FLCN: variants seen among roughly 807,000 people sequenced by gnomAD.
The protein encoded by FLCN is folliculin.
A neutral mutation model predicts 62.5 loss-of-function variants in FLCN; 22 were observed. The observed-to-expected ratio is 0.35, with a 90% confidence interval of 0.25 to 0.50. FLCN has a LOEUF of 0.50. FLCN is among the 20% of genes least tolerant of loss of function. FLCN has a pLI of 0.97. For missense variants in FLCN, 657 were observed against 778.0 expected (o/e 0.84, Z 1.85); for synonymous variants, 319 against 310.0 (o/e 1.03, Z -0.30).
rs1460704611 is a variant in FLCN at position 17,219,034 on chromosome 17, G to A, written c.1047C>T (p.Leu349=). 2 of 1,613,650 alleles carry A rather than the reference G, an allele frequency of 1.2e-6. No individual in the cohort carries two copies. The highest frequency in any genetic ancestry group is 1.7e-5 in the Admixed American group (1 of 60,004). ...TGCCGCCTACCTGCCTCATGTGCCGGAGGGACTTGAAGACTGGCAGCTTCC... is the reference window on the plus strand; with the variant it reads ...TGCCGCCTACCTGCCTCATGTGCCGAAGGGACTTGAAGACTGGCAGCTTCC... ...QPRKLPVFKS[L]RHMRQVLGAP... The change falls in exon 9 of 14, where the codon CTC becomes CTT. Residue 349 remains leucine (L), a synonymous_variant. Transcript: ENST00000285071.
chr17:17,235,604 T>C (rs1376843847), intron 1 of FLCN: 7 of 152,260 alleles, frequency 4.6e-5, no homozygotes, highest in African/African-American at 1.7e-4. Context: ...CACCGGAGCC[T>C]GCCCTCACCA....
upstream of FLCN, chr17:17,237,188 C>T (rs1160637658): frequency 6.6e-6 from 1 of 152,264 alleles, no homozygotes; most frequent in Non-Finnish European, 1.5e-5. Flanking sequence ...GCGCGTGACT[C>T]CCTGAGCCGT....
intron 4 of FLCN, 126 bp from the exon 5 acceptor site, chr17:17,226,448 T>C: frequency 9.0e-7 from 1 of 1,111,578 alleles, no homozygotes; most frequent in Non-Finnish European, 1.3e-6. Context: ...GGCTTCCAGA[T>C]TTATACTTAT....
At position 17,221,579 on chromosome 17, in the gene FLCN, C is replaced by G. The variant is rs2144932624; in HGVS notation, c.829G>C (p.Ala277Pro). The change falls in exon 8 of 14, where the codon GCT becomes CCT. Residue 277 changes from alanine (A) to proline (P), a missense_variant. Ala to Pro is a conservative substitution (Grantham distance 27, BLOSUM62 -1). Transcript: ENST00000285071. ...TGGACCAAGGTATCCTCGGTCGGAG[C>G]ACCTTCCAGGAGCTTCTCGGTCAGC... ...SRLTEKLLEG[A>P]PTEDTLVQME... 6.2e-7 allele frequency: 1 copy of G among 1,611,628 alleles called. No homozygotes were observed. Among genetic ancestry groups the G allele is most frequent in the Non-Finnish European group, 8.5e-7 (1 of 1,180,010 alleles).
rs533570796 is a variant in FLCN, at chr17:17,226,091, G to T, written c.396+85C>A. 3 of 1,580,214 alleles carry T rather than the reference G, an allele frequency of 1.9e-6. No homozygotes were observed. The South Asian group carries it at 3.4e-5, about 18-fold the overall frequency. On this transcript the variant is annotated intron_variant, in intron 5 of 13. Transcript: ENST00000285071. ...AGAGAGGACCAGTGCCTGCCTCCCT[G>T]TGCAATGCTGGCTCCGAGCCCACCC...
chr17:17,233,715 CCTTT>C, intron 1 of FLCN, among the ~76,000 whole-genome samples: 1 of 118,266 alleles, frequency 8.5e-6, no homozygotes, highest in East Asian at 2.5e-4. Context: ...TCCCATCTTT[CCTTT>C]TTTTTTTTTT....
intron 11 of FLCN, 49 bp from the exon 12 acceptor site, chr17:17,215,365 C>A: frequency 6.2e-7 from 1 of 1,612,156 alleles, no homozygotes; most frequent in Non-Finnish European, 8.5e-7. Context: ...ATGCTCCTCA[C>A]CTCCCCTGCG....
chr17:17,234,217 TG>T lies in FLCN; in HGVS notation c.-227-1317del, dbSNP rs1361239333. On this transcript the variant is annotated intron_variant, in intron 1 of 13. Transcript: ENST00000285071. ...TACACTGTTTTGTTTTTTTTTGGTT[TG>T]TTTTTTTTTTTGCGGAAGGGTCTCA... 3.7e-4 allele frequency among the ~76,000 whole-genome samples: 53 copies of T among 144,982 alleles called. 2 individuals are homozygous for T. Among genetic ancestry groups the T allele is most frequent in the Admixed American group, 2.9e-3 (43 of 14,668 alleles).
rs768548671 is a variant in FLCN, at chr17:17,213,905, G to A, written c.1539-49C>T. 19 of 1,604,258 alleles carry A rather than the reference G, an allele frequency of 1.2e-5. No individual in the cohort carries two copies. Among genetic ancestry groups the A allele is most frequent in the Admixed American group, 8.3e-5 (5 of 59,974 alleles). On this transcript the variant is annotated intron_variant, in intron 13 of 13. Coordinates refer to ENST00000285071, the MANE Select transcript of FLCN (RefSeq NM_144997.7). ...CTCAGACACCACAGCACAATCCCTC[G>A]AGCCCTGGTCACGGGGCCAACCAGG... is the stretch of plus-strand genomic sequence containing the variant.
Position 17,223,936 on chromosome 17 carries a change from C to G in FLCN, c.604G>C (p.Gly202Arg), listed in dbSNP as rs774491699. The change falls in exon 6 of 14, where the codon GGC (glycine) becomes CGC (arginine). Residue 202 changes from glycine (G) to arginine (R), a missense_variant. Physicochemically the swap from Gly to Arg is moderately radical, Grantham distance 125. Transcript: ENST00000285071. The part of the protein sequence containing the change: ...KVRGIIDELQ[G>R]KALKVFEAEQ... The stretch of plus-strand genomic sequence containing the variant: ...TCTGAATTCACCTTGAGCGCCTTGC[C>G]CTGGAGCTCATCGATGATTCCCCGG... The G allele has an allele frequency of 6.2e-7, 1 of 1,613,224 alleles. No homozygotes were observed. Among genetic ancestry groups the G allele is most frequent in the African/African-American group, 1.3e-5 (1 of 74,934 alleles).
intron 5 of FLCN, 147 bp from the exon 6 acceptor site, chr17:17,224,290 C>T (rs944952097): frequency 5.5e-6 from 4 of 732,384 alleles, no homozygotes; most frequent in South Asian, 3.1e-5. Context: ...CCATGAGAGC[C>T]GAAGACTGTA....
intron 8 of FLCN, chr17:17,219,524 C>A: frequency 3.1e-6 from 1 of 320,040 alleles, no homozygotes; most frequent in Non-Finnish European, 5.8e-6. Context: ...CCCAGTCGGC[C>A]ACAGTTCTCG....
At chr17:17,222,960 C>CA in intron 6 of FLCN, 1 of 443,894 alleles carries the variant, frequency 2.3e-6, no homozygotes, top group South Asian at 2.0e-5. Context: ...CGCTGCTCCC[C>CA]ACCTGTCTCC....
At chr17:17,234,604 G>A (rs1439051620) in intron 1 of FLCN, among the ~76,000 whole-genome samples, 6 of 151,822 alleles carry the variant, frequency 4.0e-5, no homozygotes, top group Admixed American at 6.6e-5. Context: ...AGCACTTTGG[G>A]AGGCCAAGGA....
chr17:17,221,007 T>C lies in FLCN; in HGVS notation c.871+530A>G. 3 of 480,228 alleles carry C rather than the reference T, an allele frequency of 6.2e-6. No homozygotes were observed. The South Asian group carries it at 6.5e-5, about 10-fold the overall frequency. 29.7% of individuals were successfully genotyped at this position (480,228 alleles called of 1,614,324 possible). A position where few individuals can be genotyped will look rare whatever the true frequency, so the allele number is the denominator to read the frequency against. On this transcript the variant is annotated intron_variant, in intron 8 of 13. Transcript: ENST00000285071. ...TGTAGCACCAAGATCAAATCATCCCTGATGGAAAGCTTGGCCAAGACTGGC... is the reference window on the plus strand; with the variant it reads ...TGTAGCACCAAGATCAAATCATCCCCGATGGAAAGCTTGGCCAAGACTGGC...
In FLCN at chr17:17,231,452, CAG is replaced by C. The variant is rs754552971; in HGVS notation, c.-25+340_-25+341del. ...GGCAGACAGGCAGCGGGAGAGGAAA[CAG>C]AGTTTCAATAAAGGGCCCAAGTCAG... On this transcript the variant is annotated intron_variant, in intron 3 of 13. Transcript: ENST00000285071. The C allele has an allele frequency of 2.0e-5, 3 of 152,022 alleles. No individual in the cohort carries two copies. In the East Asian group the frequency reaches 5.8e-4, roughly 30 times the overall value. The allele number at this position is 152,022 out of a possible 1,614,324, so 9.4% of individuals were successfully genotyped here. A position where few individuals can be genotyped will look rare whatever the true frequency, so the allele number is the denominator to read the frequency against.
In FLCN at chr17:17,221,467, G is replaced by A. The variant is rs762609463; in HGVS notation, c.871+70C>T. ...TCCCTCCCTCAGCGATTCCTGCCAG[G>A]AGAGCAGACAGCTGGTACCGCCCCA... On this transcript the variant is annotated intron_variant, in intron 8 of 13. Transcript: ENST00000285071. 5 of 1,613,922 alleles carry A rather than the reference G, an allele frequency of 3.1e-6. No individual in the cohort carries two copies. In the African/African-American group the frequency reaches 5.3e-5, roughly 17 times the overall value.
Position 17,222,495 on chromosome 17 carries a change from CG to C in FLCN, c.779+5del, listed in dbSNP as rs1567817332. The C allele has an allele frequency of 6.2e-7, 1 of 1,614,174 alleles. No individual in the cohort carries two copies. The highest frequency in any genetic ancestry group is 1.1e-5 in the South Asian group (1 of 91,070). ...CAGATATGCCAAAAGCAGAGACGCC[CG>C]TTACCAGGCAAAGGAGGTGTGCAGG... On this transcript the variant is annotated splice_donor_5th_base_variant and intron_variant, in intron 7 of 13. Transcript: ENST00000285071.
rs563324951 is a variant in FLCN at position 17,216,917 on chromosome 17, G to A, written c.1176+152C>T. 3.1e-5 allele frequency: 22 copies of A among 701,454 alleles called. No individual in the cohort carries two copies. The East Asian group carries it at 3.5e-4, about 11-fold the overall frequency. 43.5% of individuals were successfully genotyped at this position (701,454 alleles called of 1,614,324 possible). A position where few individuals can be genotyped will look rare whatever the true frequency, so the allele number is the denominator to read the frequency against. Reference sequence around the variant, plus strand: ...ATTTAAACATCATCAGACCAGACCCGGGTCTCCGTGCCCACTGCGCCCCCA... The same window carrying A: ...ATTTAAACATCATCAGACCAGACCCAGGTCTCCGTGCCCACTGCGCCCCCA... On this transcript the variant is annotated intron_variant, in intron 10 of 13. Coordinates refer to ENST00000285071, the MANE Select transcript of FLCN (RefSeq NM_144997.7). The surrounding 1 kb of genome is among the most constrained non-coding windows in gnomAD (Gnocchi z 4.0).
Sources: gnomAD v4.1 joint callset for allele counts (sites outside exome capture counted in the v4.1 genomes callset) on GRCh38, gnomAD v4.1.1 for gene constraint, Gnocchi (gnomAD v3.1) non-coding constraint, MANE v1.5 for transcripts, NCBI Gene and HGNC (gene_info 2026-07-23, HGNC 2026-07-21) for gene names.